The following CYP2C19 variants were observed in gnomAD, a reference collection of about 807,000 sequenced individuals.
The protein encoded by CYP2C19 is cytochrome P450 family 2 subfamily C member 19.
CYP2C19 carries 59 observed loss-of-function variants against 40.9 expected under a neutral mutation model. The ratio of observed to expected loss-of-function variants is 1.44; its 90% confidence interval spans 1.17 to 1.79. The LOEUF (loss-of-function observed/expected upper bound fraction) is 1.79, where lower values mean the gene tolerates loss of function less well. CYP2C19 is among the 40% of genes most tolerant of loss of function. CYP2C19 has a pLI of 0.00. For missense variants in CYP2C19, 754 were observed against 596.9 expected (o/e 1.26, Z -2.74); for synonymous variants, 253 against 208.7 (o/e 1.21, Z -1.83).
chr10:94,824,449 A>C (rs1849179790), intron 6 of CYP2C19, among the ~76,000 whole-genome samples: 1 of 152,246 alleles, frequency 6.6e-6, no homozygotes, highest in African/African-American at 2.4e-5. Flanking sequence ...AGATTTGGAA[A>C]GTGTGAGAAT....
At chr10:94,777,627 C>G (rs1258127012) in intron 3 of CYP2C19, among the ~76,000 whole-genome samples, 1 of 152,088 alleles carries the variant, frequency 6.6e-6, no homozygotes, top group Non-Finnish European at 1.5e-5. Context: ...GGATCCCTTC[C>G]TTTCATCTTA....
Position 94,837,074 on chromosome 10 carries a change from G to A in CYP2C19, c.962-5763G>A, listed in dbSNP as rs547834192. 7.4e-4 allele frequency among the ~76,000 whole-genome samples: 113 copies of A among 152,272 alleles called. No homozygotes were observed. The Middle Eastern group carries it at 0.017, about 23-fold the overall frequency. The stretch of plus-strand genomic sequence containing the variant: ...AAAGTCATCCTTAAGGTCCAGGACT[G>A]TAAACCACTCTGCTTCCTCTGGTAT... On this transcript the variant is annotated intron_variant, in intron 6 of 8. Coordinates refer to ENST00000371321, the MANE Select transcript of CYP2C19 (RefSeq NM_000769.4).
rs891057022 is a variant in CYP2C19 at position 94,829,609 on chromosome 10, C to T, written c.961+8972C>T. On this transcript the variant is annotated intron_variant, in intron 6 of 8. Coordinates refer to ENST00000371321, the MANE Select transcript of CYP2C19 (RefSeq NM_000769.4). ...TTTGCCTTTGGTTTGAATGTCCTTC[C>T]ATAGCTCAGAGTAATTTGATCGTCT... Among the ~76,000 whole-genome samples the T allele has an allele frequency of 9.9e-4, 151 of 152,108 alleles. 3 individuals are homozygous for T. The highest frequency in any genetic ancestry group is 2.2e-4 in the Non-Finnish European group (15 of 68,032).
At chr10:94,823,231 C>G (rs1369970477) in intron 6 of CYP2C19, among the ~76,000 whole-genome samples, 1 of 152,138 alleles carries the variant, frequency 6.6e-6, no homozygotes, top group African/African-American at 2.4e-5. Context: ...ACGAGGCTCT[C>G]TCTGCCTAGG....
intron 6 of CYP2C19, among the ~76,000 whole-genome samples, chr10:94,827,727 G>A (rs1284623514): frequency 3.9e-5 from 6 of 152,062 alleles, no homozygotes; most frequent in Non-Finnish European, 8.8e-5. Context: ...GTTTGCTCTT[G>A]CTTTTCTAGT....
chr10:94,765,764 C>G (rs181985937), intron 1 of CYP2C19, among the ~76,000 whole-genome samples: 2 of 151,990 alleles, frequency 1.3e-5, no homozygotes, highest in Admixed American at 6.6e-5. Context: ...CCCTGAGAAG[C>G]GGACAATCCA....
At chr10:94,784,235 C>T (rs1848513235) in intron 5 of CYP2C19, among the ~76,000 whole-genome samples, 1 of 152,088 alleles carries the variant, frequency 6.6e-6, no homozygotes, top group Admixed American at 6.6e-5. Flanking sequence ...GTACTTCATT[C>T]TTTTTGTGGA....
intron 5 of CYP2C19, among the ~76,000 whole-genome samples, chr10:94,810,642 C>A (rs528987093): frequency 6.6e-6 from 1 of 152,104 alleles, no homozygotes; most frequent in Non-Finnish European, 1.5e-5. Context: ...GAAATTTATC[C>A]ATTTCTTCTA....
At chr10:94,795,207 A>G (rs975059884) in intron 5 of CYP2C19, among the ~76,000 whole-genome samples, 25 of 131,982 alleles carry the variant, frequency 1.9e-4, no homozygotes, top group Non-Finnish European at 3.2e-4. Context: ...CCTGTGTCCA[A>G]GTGTTCTCAT....
chr10:94,844,626 T>C (rs1360332708), intron 7 of CYP2C19, among the ~76,000 whole-genome samples: 1 of 152,154 alleles, frequency 6.6e-6, no homozygotes, highest in Non-Finnish European at 1.5e-5. Flanking sequence ...ATTGGTAAGG[T>C]TGAAATTACT....
Position 94,855,416 on chromosome 10 carries a change from A to G in CYP2C19, c.*2502A>G, listed in dbSNP as rs1326718595. On this transcript the variant is annotated 3_prime_UTR_variant, in exon 9 of 9. Coordinates refer to ENST00000371321, the MANE Select transcript of CYP2C19 (RefSeq NM_000769.4). ...ACAACTTTGCTAATTCTCTGCATTT[A>G]TTTTTATTGTTTGTATTTCTTCCCT... Among the ~76,000 whole-genome samples the G allele has an allele frequency of 1.3e-5, 2 of 152,206 alleles. No homozygotes were observed. The highest frequency in any genetic ancestry group is 2.4e-5 in the African/African-American group (1 of 41,460).
At chr10:94,792,430 C>T (rs183590790) in intron 5 of CYP2C19, among the ~76,000 whole-genome samples, 7,252 of 152,138 alleles carry the variant, frequency 0.048, 244 homozygotes, top group South Asian at 0.11. Context: ...TGTTAGTTGG[C>T]TCAGTTTCTT....
At chr10:94,829,894 G>T (rs1451844588) in intron 6 of CYP2C19, among the ~76,000 whole-genome samples, 9 of 152,120 alleles carry the variant, frequency 5.9e-5, no homozygotes, top group African/African-American at 1.7e-4. Flanking sequence ...TCAGCTGCAG[G>T]TCTGTTGGAA....
intron 1 of CYP2C19, among the ~76,000 whole-genome samples, chr10:94,766,618 C>A (rs1482226680): frequency 6.6e-6 from 1 of 152,022 alleles, no homozygotes; most frequent in Non-Finnish European, 1.5e-5. Context: ...TTTCACTTAT[C>A]TTTTTTAAGG....
chr10:94,774,958 T>A (rs924587107), intron 1 of CYP2C19, 100 bp from the exon 2 acceptor site: 6 of 1,293,736 alleles, frequency 4.6e-6, no homozygotes, highest in Admixed American at 2.2e-5. Flanking sequence ...TGTGACTGAA[T>A]AAAAGCATAC....
At chr10:94,845,295 G>A (rs1024645028) in intron 7 of CYP2C19, among the ~76,000 whole-genome samples, 1 of 152,140 alleles carries the variant, frequency 6.6e-6, no homozygotes, top group Non-Finnish European at 1.5e-5. Context: ...CATAGACAAT[G>A]TACAAATGAA....
rs1181866665 is a variant in CYP2C19, at chr10:94,787,657, C to T, written c.819+5660C>T. On this transcript the variant is annotated intron_variant, in intron 5 of 8. Transcript: ENST00000371321. ...TTAAACTTAGATCATTAATCCATTTCGAGTTAATTTTTGTATATGGTGCAA... is the reference window on the plus strand; with the variant it reads ...TTAAACTTAGATCATTAATCCATTTTGAGTTAATTTTTGTATATGGTGCAA... 3.9e-5 allele frequency among the ~76,000 whole-genome samples: 6 copies of T among 151,942 alleles called. 1 individual carries two copies. Among genetic ancestry groups the T allele is most frequent in the Non-Finnish European group, 7.4e-5 (5 of 67,978 alleles).
chr10:94,817,862 A>T (rs1462365823), intron 5 of CYP2C19, among the ~76,000 whole-genome samples: 1 of 151,736 alleles, frequency 6.6e-6, no homozygotes, highest in Non-Finnish European at 1.5e-5. Flanking sequence ...AAATACAAAA[A>T]ATTAGCCGGG....
At position 94,853,642 on chromosome 10, in the gene CYP2C19, C is replaced by T. The variant is rs560547920; in HGVS notation, c.*728C>T. On this transcript the variant is annotated 3_prime_UTR_variant, in exon 9 of 9. Transcript: ENST00000371321. ...CTCACTGTAACCTTCGCCTCCCAGG[C>T]TCAAGAGATTCTCCTGCCTCAGCCT... is the stretch of plus-strand genomic sequence containing the variant. 3.1e-3 allele frequency among the ~76,000 whole-genome samples: 467 copies of T among 150,408 alleles called. 2 individuals are homozygous for T. Among genetic ancestry groups the T allele is most frequent in the African/African-American group, 0.011 (443 of 40,958 alleles).
Sources: allele counts gnomAD v4.1 joint callset (sites outside exome capture counted in the v4.1 genomes callset), GRCh38; gene constraint gnomAD v4.1.1; transcripts MANE v1.5; gene names NCBI Gene and HGNC (gene_info 2026-07-23, HGNC 2026-07-21).